The following TANGO6 variants were observed in gnomAD, a reference collection of about 807,000 sequenced individuals.
TANGO6 encodes transport and Golgi organization protein 6 homolog.
Under a neutral mutation model 114.2 loss-of-function variants are expected in TANGO6, and 90 were observed. That is an observed-to-expected ratio of 0.79 (90% CI 0.66 to 0.94). TANGO6 has a LOEUF of 0.94. TANGO6 is among the 40% of genes least tolerant of loss of function. The pLI, the probability that TANGO6 is intolerant of heterozygous loss-of-function variation, is 0.00. For missense variants in TANGO6, 1,274 were observed against 1,315.3 expected, an observed-to-expected ratio of 0.97 and a Z score of 0.49; for synonymous variants, 477 against 509.8, an observed-to-expected ratio of 0.94 and a Z score of 0.87.
chr16:69,063,222 G>GA lies in TANGO6; in HGVS notation c.3109-20248dup, dbSNP rs35318231. On this transcript the variant is annotated intron_variant, in intron 17 of 17. Transcript: ENST00000261778. Reference sequence around the variant, plus strand: ...CGGGTGACAGAGCCAGACTTCGTCTGAAAAAAAAAAAAAAACACTGGGGCC... The same window carrying GA: ...CGGGTGACAGAGCCAGACTTCGTCTGAAAAAAAAAAAAAAAACACTGGGGCC... Among the ~76,000 whole-genome samples, 192 of 134,776 alleles carry GA rather than the reference G, an allele frequency of 1.4e-3. 1 individual carries two copies. The highest frequency in any genetic ancestry group is 0.013 in the East Asian group (58 of 4,410). 88.4% of individuals were successfully genotyped at this position (134,776 alleles called of 152,430 possible).
chr16:68,976,041 C>T (rs1350315209), intron 15 of TANGO6, among the ~76,000 whole-genome samples: 2 of 152,094 alleles, frequency 1.3e-5, no homozygotes, highest in African/African-American at 2.4e-5. Context: ...CTCAAGGTAT[C>T]CTTCTACTTC....
At chr16:69,035,684 G>A (rs1385181071) in intron 16 of TANGO6, 1 of 152,146 alleles carries the variant, frequency 6.6e-6, no homozygotes, top group Non-Finnish European at 1.5e-5. Context: ...TTTTAGAAGT[G>A]GACACAGTTT....
intron 15 of TANGO6, among the ~76,000 whole-genome samples, chr16:68,992,862 A>G: frequency 6.6e-6 from 1 of 152,164 alleles, no homozygotes. Context: ...TGAGGTCAGG[A>G]GTTCAAGACC....
intron 17 of TANGO6, among the ~76,000 whole-genome samples, chr16:69,065,866 C>G (rs1960207196): frequency 6.6e-6 from 1 of 152,148 alleles, no homozygotes; most frequent in South Asian, 2.1e-4. Flanking sequence ...TGGGTTTTAT[C>G]AGGAAAGCAT....
At chr16:68,995,649 C>T (rs995916624) in intron 15 of TANGO6, among the ~76,000 whole-genome samples, 1 of 152,220 alleles carries the variant, frequency 6.6e-6, no homozygotes, top group South Asian at 2.1e-4. Flanking sequence ...ACCAAGACTA[C>T]TCAGTGCCAA....
intron 15 of TANGO6, among the ~76,000 whole-genome samples, chr16:69,013,927 G>A (rs1220545467): frequency 1.3e-5 from 2 of 152,094 alleles, no homozygotes; most frequent in Non-Finnish European, 2.9e-5. Flanking sequence ...CCAAGTGCTA[G>A]GATTACAGAC....
intron 14 of TANGO6, among the ~76,000 whole-genome samples, chr16:68,950,142 G>A (rs1963457837): frequency 6.6e-6 from 1 of 152,192 alleles, no homozygotes; most frequent in Admixed American, 6.6e-5. Flanking sequence ...TGTGGGGGAT[G>A]GAGGAGTAAG....
chr16:68,875,271 A>T lies in TANGO6; in HGVS notation c.1112A>T (p.Tyr371Phe), dbSNP rs1243965715. The T allele has an allele frequency of 4.3e-6, 7 of 1,613,388 alleles. No homozygotes were observed. Among genetic ancestry groups the T allele is most frequent in the Non-Finnish European group, 5.9e-6 (7 of 1,179,510 alleles). ...CAGTCTCTTTCACCAGAGAATTACT[A>T]CAGGGACATCTGCCCCCAGGTAAAT... is the stretch of plus-strand genomic sequence containing the variant. ...PQQSLSPENY[Y>F]RDICPQVLDL... Residue 371 changes from tyrosine to phenylalanine, a missense_variant, in exon 5 of 18, where the codon TAC (tyrosine) becomes TTC (phenylalanine). Transcript: ENST00000261778.
At chr16:69,078,241 G>A (rs1050579053) in intron 17 of TANGO6, among the ~76,000 whole-genome samples, 2 of 152,226 alleles carry the variant, frequency 1.3e-5, no homozygotes, top group Non-Finnish European at 2.9e-5. Flanking sequence ...CCGCTGTGGG[G>A]AAGGGTCGGC....
In TANGO6 at chr16:68,910,741, G is replaced by C. The variant is rs57434792; in HGVS notation, c.1992+1339G>C. On this transcript the variant is annotated intron_variant, in intron 11 of 17. Transcript: ENST00000261778. Reference sequence around the variant, plus strand: ...GCCCAGGCTGGAGTGCAGTGGCGCAGTCTCGGCTCACTGCAACCTCCACCT... The same window carrying C: ...GCCCAGGCTGGAGTGCAGTGGCGCACTCTCGGCTCACTGCAACCTCCACCT... 8.1e-3 allele frequency among the ~76,000 whole-genome samples: 1,240 copies of C among 152,150 alleles called. 3 individuals are homozygous for C. The highest frequency in any genetic ancestry group is 0.02 in the Middle Eastern group (6 of 294).
At chr16:68,878,843 C>T (rs1011034042) in intron 6 of TANGO6, among the ~76,000 whole-genome samples, 2 of 151,566 alleles carry the variant, frequency 1.3e-5, no homozygotes, top group Non-Finnish European at 2.9e-5. Flanking sequence ...GAGGCTTAGG[C>T]GGGCAGATTG....
intron 15 of TANGO6, among the ~76,000 whole-genome samples, chr16:69,006,579 A>C (rs1964093698): frequency 6.6e-6 from 1 of 151,626 alleles, no homozygotes; most frequent in Admixed American, 6.6e-5. Context: ...CTCCATCTCT[A>C]CTTAAAAAAA....
At chr16:69,065,333 T>A (rs1023270278) in intron 17 of TANGO6, among the ~76,000 whole-genome samples, 1 of 152,180 alleles carries the variant, frequency 6.6e-6, no homozygotes, top group Non-Finnish European at 1.5e-5. Flanking sequence ...ACCGCCTATT[T>A]TTTGTTTAGG....
In TANGO6 at chr16:68,909,414, C is replaced by T. The variant is rs1436575740; in HGVS notation, c.1992+12C>T. On this transcript the variant is annotated intron_variant, in intron 11 of 17. Coordinates refer to ENST00000261778, the MANE Select transcript of TANGO6 (RefSeq NM_024562.2). ...CAAACGTCACTCAGGTCAGTAGTTG[C>T]CACATTCTGGACCGCAGCCTTTTTT... 6.7e-7 allele frequency: 1 copy of T among 1,490,976 alleles called. No individual in the cohort carries two copies. The highest frequency in any genetic ancestry group is 9.0e-7 in the Non-Finnish European group (1 of 1,115,328). 92.4% of individuals were successfully genotyped at this position (1,490,976 alleles called of 1,614,324 possible). A position where few individuals can be genotyped will look rare whatever the true frequency, so the allele number is the denominator to read the frequency against.
chr16:69,032,245 G>GTTCGTTCATTCA (rs1567562335), intron 16 of TANGO6, among the ~76,000 whole-genome samples: 1 of 151,950 alleles, frequency 6.6e-6, no homozygotes, highest in African/African-American at 2.4e-5. Context: ...AACTTCATTC[G>GTTCGTTCATTCA]TTCATTCATT....
chr16:68,872,231 A>G (rs765574964), intron 4 of TANGO6, among the ~76,000 whole-genome samples: 4 of 151,932 alleles, frequency 2.6e-5, no homozygotes, highest in Non-Finnish European at 5.9e-5. Context: ...CAAAAAAAAA[A>G]AGAAGTTGTC....
chr16:68,849,072 C>A (rs1346205672), intron 1 of TANGO6, among the ~76,000 whole-genome samples: 3 of 152,168 alleles, frequency 2.0e-5, no homozygotes, highest in Admixed American at 1.3e-4. Context: ...CAGTGGCTAA[C>A]GCCTATAATC....
rs1963426058 is a variant in TANGO6, at chr16:68,947,428, T to G, written c.2701+17133T>G. ...AAGATTGTGCCACTGTACTCCAGCC[T>G]GGCGACAGAGTAAGACTCCGTCTCA... is the stretch of plus-strand genomic sequence containing the variant. On this transcript the variant is annotated intron_variant, in intron 14 of 17. Coordinates refer to ENST00000261778, the MANE Select transcript of TANGO6 (RefSeq NM_024562.2). 1.3e-5 allele frequency among the ~76,000 whole-genome samples: 2 copies of G among 151,630 alleles called. 1 individual carries two copies. Among genetic ancestry groups the G allele is most frequent in the South Asian group, 4.2e-4 (2 of 4,790 alleles).
At chr16:68,862,755 T>A (rs1318579755) in intron 2 of TANGO6, among the ~76,000 whole-genome samples, 190 bp from the exon 3 acceptor site, 2 of 151,920 alleles carry the variant, frequency 1.3e-5, no homozygotes, top group South Asian at 4.2e-4. Flanking sequence ...AGAAGTGGAG[T>A]GAGCGAGATG....
Sources: gnomAD v4.1 joint callset for allele counts (sites outside exome capture counted in the v4.1 genomes callset) on GRCh38, gnomAD v4.1.1 for gene constraint, MANE v1.5 for transcripts, NCBI Gene and HGNC (gene_info 2026-07-23, HGNC 2026-07-21) for gene names.